Variants in EFNA5 observed in about 807,000 individuals in gnomAD.
EFNA5 encodes the protein ephrin A5, also known as ephrin-A5.
In EFNA5, 5 loss-of-function variants were observed where a neutral mutation model predicts 22.9. The observed-to-expected ratio is 0.22, with a 90% CI of 0.11 to 0.46. The LOEUF (loss-of-function observed/expected upper bound fraction) is 0.46, where lower values mean the gene tolerates loss of function less well. EFNA5 is among the 20% of genes least tolerant of loss of function. The pLI is 0.99. For missense variants in EFNA5, 237 were observed against 293.3 expected (o/e 0.81, Z 1.40); for synonymous variants, 113 against 112.2 (o/e 1.01, Z -0.04).
At chr5:107,415,058 A>G (rs1242593057) in intron 2 of EFNA5, among the ~76,000 whole-genome samples, 1 of 152,224 alleles carries the variant, frequency 6.6e-6, no homozygotes, top group African/African-American at 2.4e-5. Context: ...ACTCAACTGT[A>G]CATGAACAGT....
intron 1 of EFNA5, among the ~76,000 whole-genome samples, chr5:107,556,918 T>G (rs1172158624): frequency 2.7e-5 from 4 of 148,618 alleles, no homozygotes; most frequent in Non-Finnish European, 5.9e-5. Flanking sequence ...ACAGGAAGAC[T>G]TTTTTTTTAA....
At chr5:107,430,919 G>C (rs550763687) in intron 1 of EFNA5, among the ~76,000 whole-genome samples, 2 of 151,664 alleles carry the variant, frequency 1.3e-5, no homozygotes, top group Non-Finnish European at 1.5e-5. Context: ...AGGGATACAG[G>C]CATGCGCCAC....
At chr5:107,669,355 TAATA>T (rs1382157225) in intron 1 of EFNA5, among the ~76,000 whole-genome samples, 2 of 151,958 alleles carry the variant, frequency 1.3e-5, no homozygotes, top group Non-Finnish European at 2.9e-5. Flanking sequence ...TCGGTACTAT[TAATA>T]AATAGCACCT....
chr5:107,582,609 G>T (rs1032662410), intron 1 of EFNA5, among the ~76,000 whole-genome samples: 1 of 152,062 alleles, frequency 6.6e-6, no homozygotes, highest in Non-Finnish European at 1.5e-5. Context: ...ACATAAAAGT[G>T]ACTCCTCCAT....
intron 1 of EFNA5, among the ~76,000 whole-genome samples, chr5:107,519,852 T>C (rs1391115390): frequency 6.6e-6 from 1 of 152,234 alleles, no homozygotes; most frequent in Non-Finnish European, 1.5e-5. Context: ...ATCAAAATCT[T>C]CACGCAAAGT....
At chr5:107,642,163 T>C (rs1750538344) in intron 1 of EFNA5, among the ~76,000 whole-genome samples, 1 of 152,162 alleles carries the variant, frequency 6.6e-6, no homozygotes, top group South Asian at 2.1e-4. Flanking sequence ...CATTTCACTT[T>C]TGTTTAAAAG....
At chr5:107,492,729 T>C (rs556437126) in intron 1 of EFNA5, among the ~76,000 whole-genome samples, 18 of 152,326 alleles carry the variant, frequency 1.2e-4, no homozygotes, top group Middle Eastern at 3.4e-3. Flanking sequence ...CCGAGCACGG[T>C]GGATCATGCC....
At chr5:107,665,219 A>G (rs1473779499) in intron 1 of EFNA5, among the ~76,000 whole-genome samples, 1 of 152,220 alleles carries the variant, frequency 6.6e-6, no homozygotes, top group Non-Finnish European at 1.5e-5. Flanking sequence ...TGAAGCTGGT[A>G]GCTTGCTTGG....
At chr5:107,481,616 C>T (rs1750462540) in intron 1 of EFNA5, among the ~76,000 whole-genome samples, 1 of 151,950 alleles carries the variant, frequency 6.6e-6, no homozygotes, top group South Asian at 2.1e-4. Context: ...CTTTCGGAGG[C>T]CAAGGTGGGT....
chr5:107,650,498 G>A (rs777112040), intron 1 of EFNA5, among the ~76,000 whole-genome samples: 22 of 152,112 alleles, frequency 1.4e-4, no homozygotes, highest in Non-Finnish European at 2.8e-4. Context: ...ACAAAATAAC[G>A]CAGAGTCACT....
intron 2 of EFNA5, among the ~76,000 whole-genome samples, chr5:107,397,458 G>T (rs963298303): frequency 9.9e-5 from 15 of 151,690 alleles, no homozygotes; most frequent in African/African-American, 3.4e-4. Context: ...CTGAGGCAGA[G>T]AATTGTTTGA....
intron 1 of EFNA5, among the ~76,000 whole-genome samples, chr5:107,462,613 T>C (rs1293116438): frequency 6.6e-6 from 1 of 151,924 alleles, no homozygotes; most frequent in South Asian, 2.1e-4. Context: ...ACCCTACCAA[T>C]CTCCCAGAGA....
intron 1 of EFNA5, among the ~76,000 whole-genome samples, chr5:107,462,585 A>C (rs1749863056): frequency 6.6e-6 from 1 of 152,134 alleles, no homozygotes; most frequent in African/African-American, 2.4e-5. Context: ...TTAAGTCACT[A>C]GTCCAATGGA....
intron 1 of EFNA5, among the ~76,000 whole-genome samples, chr5:107,538,259 C>A (rs894786156): frequency 1.2e-4 from 18 of 152,216 alleles, no homozygotes; most frequent in Admixed American, 7.9e-4. Context: ...ATTCTTCTCT[C>A]AGATTTGTCC....
intron 1 of EFNA5, among the ~76,000 whole-genome samples, chr5:107,593,137 T>C (rs147880099): frequency 1.3e-5 from 2 of 152,266 alleles, no homozygotes; most frequent in African/African-American, 4.8e-5. Flanking sequence ...AGCACCTGTT[T>C]TGAAACAGCT....
intron 1 of EFNA5, among the ~76,000 whole-genome samples, chr5:107,578,552 T>C (rs1005302345): frequency 6.6e-6 from 1 of 152,094 alleles, no homozygotes; most frequent in East Asian, 1.9e-4. Flanking sequence ...CTGAGTGTTC[T>C]AAAAATTGTA....
chr5:107,585,616 C>T (rs905067232), intron 1 of EFNA5, among the ~76,000 whole-genome samples: 1 of 152,158 alleles, frequency 6.6e-6, no homozygotes, highest in Non-Finnish European at 1.5e-5. Context: ...AATTATTAGG[C>T]CAGATACTAC....
intron 1 of EFNA5, among the ~76,000 whole-genome samples, chr5:107,439,975 A>G (rs1196881641): frequency 6.6e-6 from 1 of 152,184 alleles, no homozygotes; most frequent in Non-Finnish European, 1.5e-5. Flanking sequence ...GCACACATTT[A>G]TTGGTGGCCT....
intron 1 of EFNA5, among the ~76,000 whole-genome samples, chr5:107,606,584 G>C (rs1479964033): frequency 1.5e-5 from 2 of 134,976 alleles, no homozygotes; most frequent in African/African-American, 2.7e-5. Flanking sequence ...CACACACACA[G>C]AGCTAGTAAT....
Sources: allele counts gnomAD v4.1 joint callset (sites outside exome capture counted in the v4.1 genomes callset), GRCh38; gene constraint gnomAD v4.1.1; transcripts MANE v1.5; gene names NCBI Gene and HGNC (gene_info 2026-07-23, HGNC 2026-07-21).